Variants in AKR1B15 observed in about 807,000 individuals in gnomAD.
AKR1B15 encodes aldo-keto reductase family 1 member B15.
A neutral mutation model predicts 38.5 loss-of-function variants in AKR1B15; 49 were observed. That is an observed-to-expected ratio of 1.27 (90% CI 1.01 to 1.62). The LOEUF is 1.62. AKR1B15 is among the 40% of genes most tolerant of loss of function. AKR1B15 has a pLI of 0.00. For synonymous variants in AKR1B15, 137 were observed against 135.5 expected, an observed-to-expected ratio of 1.01 and a Z score of -0.08; for missense variants, 411 against 381.6, an observed-to-expected ratio of 1.08 and a Z score of -0.64.
intron 1 of AKR1B15, among the ~76,000 whole-genome samples, chr7:134,553,448 A>G (rs1312545652): frequency 6.6e-6 from 1 of 152,220 alleles, no homozygotes; most frequent in Non-Finnish European, 1.5e-5. Flanking sequence ...GGCAACACCC[A>G]GTGGCCTATT....
At chr7:134,566,023 G>T (rs559994233) in intron 3 of AKR1B15, among the ~76,000 whole-genome samples, 17 of 152,144 alleles carry the variant, frequency 1.1e-4, no homozygotes, top group South Asian at 2.1e-4. Context: ...GCTGGGTGTG[G>T]TGGCTCATGC....
In AKR1B15 at chr7:134,571,632, A is replaced by T. The variant is rs748167891; in HGVS notation, c.464A>T (p.Asp155Val). The change falls in exon 6 of 12, where the codon GAT (aspartate) becomes GTT (valine). Residue 155 changes from aspartate (D) to valine (V), a missense_variant. Asp to Val is a radical substitution (Grantham distance 152). Transcript: ENST00000457545. ...GGGGATGACTTTTTCCCCAAAGATG[A>T]TAAAGGTAATATGATCAGTGGAAAA... Reference protein sequence around the residue: ...KTGDDFFPKDDKGNMISGKGT... With the variant: ...KTGDDFFPKDVKGNMISGKGT... 1.1e-5 allele frequency: 17 copies of T among 1,613,662 alleles called. No individual in the cohort carries two copies. In the African/African-American group the frequency reaches 2.1e-4, roughly 20 times the overall value.
rs1794841680 is a variant in AKR1B15 at position 134,579,664 on chromosome 7, C to G, written c.*115C>G. 1.0e-6 allele frequency: 1 copy of G among 956,002 alleles called. No individual in the cohort carries two copies. Among genetic ancestry groups the G allele is most frequent in the South Asian group, 1.8e-5 (1 of 56,196 alleles). The allele number at this position is 956,002 out of a possible 1,614,324, so 59.2% of individuals were successfully genotyped here. ...TATCTGAGATCACAGTGAACTTTGT[C>G]CTGTTGTAGACCAGAATGGAGGTGC... On this transcript the variant is annotated 3_prime_UTR_variant, in exon 12 of 12. Coordinates refer to ENST00000457545, the MANE Select transcript of AKR1B15 (RefSeq NM_001080538.3).
chr7:134,549,117 C>G lies in AKR1B15; in HGVS notation c.-279C>G, dbSNP rs1231401878. 5 of 152,494 alleles carry G rather than the reference C, an allele frequency of 3.3e-5. No homozygotes were observed. Among genetic ancestry groups the G allele is most frequent in the African/African-American group, 1.2e-4 (5 of 41,448 alleles). 9.4% of individuals were successfully genotyped at this position (152,494 alleles called of 1,614,324 possible). On this transcript the variant is annotated 5_prime_UTR_variant, in exon 1 of 12. Transcript: ENST00000457545. ...CTCATTCCGGGCTTCCCCAGACAGA[C>G]AGCTGGCTTACAGGGCCACCTGAAG...
intron 10 of AKR1B15, 47 bp from the exon 11 acceptor site, chr7:134,577,657 G>A (rs777248001): frequency 1.3e-6 from 2 of 1,591,976 alleles, no homozygotes; most frequent in South Asian, 2.3e-5. Context: ...TCCAGCCACA[G>A]CAGTAACAGC....
chr7:134,577,706 C>G lies in AKR1B15; in HGVS notation c.912C>G (p.Val304=). 1.2e-6 allele frequency: 2 copies of G among 1,613,694 alleles called. No homozygotes were observed. Among genetic ancestry groups the G allele is most frequent in the Non-Finnish European group, 1.7e-6 (2 of 1,179,850 alleles). Residue 304 remains valine (V), a splice_region_variant and synonymous_variant, in exon 11 of 12, where the codon GTC becomes GTG. Coordinates refer to ENST00000457545, the MANE Select transcript of AKR1B15 (RefSeq NM_001080538.3). ...TPAHIVENIQ[V]FDFKLSDEEM... The stretch of plus-strand genomic sequence containing the variant: ...TATTGGAATTCTTTCCTTTCTAGGT[C>G]TTTGACTTTAAATTGAGTGATGAGG...
intron 1 of AKR1B15, among the ~76,000 whole-genome samples, chr7:134,554,074 A>G (rs1794099608): frequency 6.6e-6 from 1 of 152,238 alleles, no homozygotes; most frequent in Non-Finnish European, 1.5e-5. Context: ...GCCATCTATC[A>G]AGAGCGAGGG....
intron 6 of AKR1B15, among the ~76,000 whole-genome samples, chr7:134,574,902 A>G (rs1794730883): frequency 6.6e-6 from 1 of 152,182 alleles, no homozygotes; most frequent in African/African-American, 2.4e-5. Flanking sequence ...AAACCAAGCC[A>G]TGGTTGGTGT....
chr7:134,579,637 C>A lies in AKR1B15; in HGVS notation c.*88C>A. 5 of 1,227,024 alleles carry A rather than the reference C, an allele frequency of 4.1e-6. No individual in the cohort carries two copies. The highest frequency in any genetic ancestry group is 5.4e-4 in the Middle Eastern group (2 of 3,728). 76.0% of individuals were successfully genotyped at this position (1,227,024 alleles called of 1,614,324 possible). A position where few individuals can be genotyped will look rare whatever the true frequency, so the allele number is the denominator to read the frequency against. On this transcript the variant is annotated 3_prime_UTR_variant, in exon 12 of 12. Coordinates refer to ENST00000457545, the MANE Select transcript of AKR1B15 (RefSeq NM_001080538.3). The stretch of plus-strand genomic sequence containing the variant: ...CCACTCAAGAACTATTTTAGCCAAG[C>A]TTATCTGAGATCACAGTGAACTTTG...
intron 2 of AKR1B15, among the ~76,000 whole-genome samples, chr7:134,560,939 C>T (rs1388783889): frequency 6.6e-6 from 1 of 152,146 alleles, no homozygotes; most frequent in Non-Finnish European, 1.5e-5. Flanking sequence ...TTAGATAATC[C>T]TCATTTTTTC....
At chr7:134,561,774 A>G (rs1025327914) in intron 2 of AKR1B15, among the ~76,000 whole-genome samples, 3 of 152,100 alleles carry the variant, frequency 2.0e-5, no homozygotes, top group African/African-American at 7.2e-5. Context: ...ACAGCATGGC[A>G]CAGGCCTATA....
chr7:134,554,605 G>T (rs942707081), intron 1 of AKR1B15, among the ~76,000 whole-genome samples: 19 of 152,156 alleles, frequency 1.2e-4, no homozygotes, highest in African/African-American at 4.6e-4. Flanking sequence ...AAGGTCCTAA[G>T]CCCAGCCCAG....
chr7:134,553,669 T>C (rs1012279814), intron 1 of AKR1B15, among the ~76,000 whole-genome samples: 30 of 152,246 alleles, frequency 2.0e-4, no homozygotes, highest in African/African-American at 7.0e-4. Flanking sequence ...AGTTTACTGT[T>C]AGATCAGCCG....
At chr7:134,562,832 C>CTCTTTCTT (rs201784260) in intron 2 of AKR1B15, among the ~76,000 whole-genome samples, 8,347 of 122,586 alleles carry the variant, frequency 0.068, 403 homozygotes, top group East Asian at 0.18. Context: ...TCCTTCCTTT[C>CTCTTTCTT]TCTTTCTTTC....
intron 11 of AKR1B15, among the ~76,000 whole-genome samples, 197 bp from the exon 12 acceptor site, chr7:134,579,310 G>C (rs1658189461): frequency 6.6e-6 from 1 of 152,102 alleles, no homozygotes; most frequent in African/African-American, 2.4e-5. Context: ...CCTGCTCACT[G>C]TCTGCCCTCC....
chr7:134,568,098 CA>C (rs1158577891), intron 3 of AKR1B15, 59 bp from the exon 4 acceptor site: 2 of 1,591,916 alleles, frequency 1.3e-6, no homozygotes, highest in African/African-American at 2.7e-5. Flanking sequence ...GGCAACATGG[CA>C]AGGTCTCATC....
intron 1 of AKR1B15, among the ~76,000 whole-genome samples, chr7:134,551,948 G>A (rs963923845): frequency 1.3e-5 from 2 of 152,182 alleles, no homozygotes; most frequent in Non-Finnish European, 2.9e-5. Context: ...GGGAACCCAT[G>A]GTGACCACCA....
chr7:134,571,533 C>T (rs1794666276), intron 5 of AKR1B15, 71 bp from the exon 6 acceptor site: 1 of 1,231,582 alleles, frequency 8.1e-7, no homozygotes, highest in Admixed American at 1.7e-5. Flanking sequence ...CATCAGGATC[C>T]TGAAACCTTG....
At chr7:134,559,971 G>A (rs1794334057) in intron 2 of AKR1B15, among the ~76,000 whole-genome samples, 1 of 152,082 alleles carries the variant, frequency 6.6e-6, no homozygotes, top group Non-Finnish European at 1.5e-5. Flanking sequence ...AGCTGGGTGT[G>A]GTGGTGTGCA....
Sources: allele counts gnomAD v4.1 joint callset (sites outside exome capture counted in the v4.1 genomes callset), GRCh38; gene constraint gnomAD v4.1.1; transcripts MANE v1.5; gene names NCBI Gene and HGNC (gene_info 2026-07-23, HGNC 2026-07-21).